Variants in PCDH7 observed in about 807,000 individuals in gnomAD.
PCDH7 encodes protocadherin-7.
PCDH7 carries 17 observed loss-of-function variants against 58.9 expected under a neutral mutation model. The ratio of observed to expected loss-of-function variants is 0.29; its 90% CI spans 0.20 to 0.43. The LOEUF (loss-of-function observed/expected upper bound fraction) is 0.43, where lower values mean the gene tolerates loss of function less well. Among genes scored for constraint, PCDH7 ranks in the 20% least tolerant of loss-of-function variants. The pLI is 1.00. For missense variants in PCDH7, 1,274 were observed against 1,441.0 expected, an observed-to-expected ratio of 0.88 and a Z score of 1.88; for synonymous variants, 664 against 616.4, an observed-to-expected ratio of 1.08 and a Z score of -1.14.
chr4:30,923,506 C>T (rs77283426), intron 2 of PCDH7, among the ~76,000 whole-genome samples: 5,512 of 152,086 alleles, frequency 0.036, 329 homozygotes, highest in African/African-American at 0.13. Context: ...AAACACATTA[C>T]CGCCAAATGT....
chr4:30,728,503 A>G (rs1176350854), intron 1 of PCDH7, among the ~76,000 whole-genome samples: 2 of 151,714 alleles, frequency 1.3e-5, no homozygotes, highest in Non-Finnish European at 3.0e-5. Context: ...GCCTGATACC[A>G]TAGGCAAAAC....
chr4:30,723,351 C>G lies in PCDH7; in HGVS notation c.1929C>G (p.Val643=). 6.2e-7 allele frequency: 1 copy of G among 1,614,242 alleles called. No homozygotes were observed. Among genetic ancestry groups the G allele is most frequent in the Non-Finnish European group, 8.5e-7 (1 of 1,180,046 alleles). The change falls in exon 1 of 2, where the codon GTC becomes GTG. Residue 643 remains valine, a synonymous_variant. Transcript: ENST00000361762. This position sits in a 1 kb window ranked among gnomAD's most constrained non-coding sequence, Gnocchi z 4.6. Reference sequence around the variant, plus strand: ...ATGACCCTAAGTTTATGCAGGACGTCTTCACCTTTTATGTGAAAGAAAACT... The same window carrying G: ...ATGACCCTAAGTTTATGCAGGACGTGTTCACCTTTTATGTGAAAGAAAACT...
At chr4:30,936,833 G>A (rs1422736802) in intron 2 of PCDH7, among the ~76,000 whole-genome samples, 1 of 152,018 alleles carries the variant, frequency 6.6e-6, no homozygotes, top group African/African-American at 2.4e-5. Context: ...TAATAACTCA[G>A]TATCATGAGC....
At position 30,721,655 on chromosome 4, in the gene PCDH7, A is replaced by G. The variant is rs1713572461; in HGVS notation, c.233A>G (p.Asp78Gly). The G allele has an allele frequency of 6.2e-7, 1 of 1,613,878 alleles. No individual in the cohort carries two copies. Among genetic ancestry groups the G allele is most frequent in the African/African-American group, 1.3e-5 (1 of 74,950 alleles). The change falls in exon 1 of 2, where the codon GAC becomes GGC. Residue 78 changes from aspartate to glycine, a missense_variant. Physicochemically the swap from Asp to Gly is moderately conservative, Grantham distance 94. This residue lies in a region of PCDH7 where 212 missense variants were observed against 255.8 expected (regional missense o/e 0.83). Transcript: ENST00000361762. This position sits in a 1 kb window ranked among gnomAD's most constrained non-coding sequence, Gnocchi z 6.7. ...TCCGGTTCCGAGTACCTGAAGATCGACAACCTCACTGGCGAGCTGAGCACG... is the reference window on the plus strand; with the variant it reads ...TCCGGTTCCGAGTACCTGAAGATCGGCAACCTCACTGGCGAGCTGAGCACG...
At chr4:30,931,503 A>G (rs776377265) in intron 2 of PCDH7, among the ~76,000 whole-genome samples, 9 of 151,996 alleles carry the variant, frequency 5.9e-5, no homozygotes, top group Non-Finnish European at 1.2e-4. Flanking sequence ...TGAACCCGGG[A>G]GGTGGAGGTT....
chr4:30,872,101 G>C (rs1355583369), intron 1 of PCDH7, among the ~76,000 whole-genome samples: 1 of 152,034 alleles, frequency 6.6e-6, no homozygotes, highest in Non-Finnish European at 1.5e-5. Flanking sequence ...TATCTTTTGG[G>C]AGAAGGAAAC....
chr4:30,961,973 A>G (rs1380688610), intron 3 of PCDH7, among the ~76,000 whole-genome samples: 3 of 152,174 alleles, frequency 2.0e-5, no homozygotes, highest in Non-Finnish European at 4.4e-5. Context: ...CTCATCTCTT[A>G]ATTACAAAGT....
chr4:31,009,025 G>T (rs34455147), intron 3 of PCDH7, among the ~76,000 whole-genome samples: 6,991 of 152,072 alleles, frequency 0.046, 410 homozygotes, highest in East Asian at 0.3. Flanking sequence ...AATTCAGGGT[G>T]CTTTCATAAT....
At chr4:30,943,959 T>C (rs148375089) in intron 2 of PCDH7, among the ~76,000 whole-genome samples, 423 of 152,242 alleles carry the variant, frequency 2.8e-3, no homozygotes, top group Non-Finnish European at 5.1e-3. Context: ...TAAAAATTTA[T>C]GTATCACTCT....
chr4:30,728,028 G>A (rs1037165330), intron 1 of PCDH7, among the ~76,000 whole-genome samples: 1 of 151,604 alleles, frequency 6.6e-6, no homozygotes, highest in African/African-American at 2.4e-5. Flanking sequence ...AAATCCACTT[G>A]CAGCTGATCC....
At chr4:31,062,836 A>C (rs1348263012) in intron 3 of PCDH7, among the ~76,000 whole-genome samples, 2 of 151,862 alleles carry the variant, frequency 1.3e-5, no homozygotes, top group African/African-American at 4.8e-5. Context: ...AAAATCAAAA[A>C]CTTCGTGTTT....
At chr4:30,964,842 G>GT (rs1408477577) in intron 3 of PCDH7, among the ~76,000 whole-genome samples, 4 of 152,072 alleles carry the variant, frequency 2.6e-5, no homozygotes, top group African/African-American at 7.2e-5. Flanking sequence ...TTGTTGGTTT[G>GT]TTTTTTGTAT....
At chr4:30,725,213 A>G (rs1577544091) in intron 1 of PCDH7, 2 of 995,262 alleles carry the variant, frequency 2.0e-6, no homozygotes, top group South Asian at 9.4e-5. Context: ...TCAATCTTTT[A>G]TATCTATAAT....
chr4:31,032,527 G>C (rs988180554), intron 3 of PCDH7, among the ~76,000 whole-genome samples: 2 of 150,556 alleles, frequency 1.3e-5, no homozygotes, highest in African/African-American at 4.9e-5. Context: ...AGAATCGTTT[G>C]AATCCAGGAG....
Position 30,774,372 on chromosome 4 carries a change from A to T in PCDH7, c.70+49776A>T, listed in dbSNP as rs547150694. On this transcript the variant is annotated intron_variant, in intron 1 of 3. Coordinates refer to the PCDH7 transcript ENST00000509759. ...GGCCTAGCTTTTTAAAGTATTACTAAATAATAAGTTTTTATGTTTATGTAT... is the reference window on the plus strand; with the variant it reads ...GGCCTAGCTTTTTAAAGTATTACTATATAATAAGTTTTTATGTTTATGTAT... 1.8e-4 allele frequency among the ~76,000 whole-genome samples: 27 copies of T among 152,310 alleles called. 1 individual carries two copies. The highest frequency in any genetic ancestry group is 6.3e-4 in the African/African-American group (26 of 41,576).
chr4:30,738,675 C>T (rs1053178780), intron 1 of PCDH7, among the ~76,000 whole-genome samples: 2 of 152,044 alleles, frequency 1.3e-5, no homozygotes, highest in South Asian at 4.1e-4. Context: ...AAAACTGTTT[C>T]ACAAATTTAA....
At chr4:30,968,359 C>CTA (rs530040471) in intron 3 of PCDH7, among the ~76,000 whole-genome samples, 28 of 82,228 alleles carry the variant, frequency 3.4e-4, no homozygotes, top group Non-Finnish European at 5.0e-4. Context: ...TATACACACA[C>CTA]TATATATATA....
At position 31,023,176 on chromosome 4, in the gene PCDH7, G is replaced by A. The variant is rs575285653; in HGVS notation, c.*7+72961G>A. Among the ~76,000 whole-genome samples, 5 of 152,288 alleles carry A rather than the reference G, an allele frequency of 3.3e-5. No individual in the cohort carries two copies. In the South Asian group the frequency reaches 1.0e-3, roughly 32 times the overall value. ...GGTTTAAAAGCAGAGCATTTAATTG[G>A]CAAAGCATATGTGGAATGAAAAAGT... On this transcript the variant is annotated intron_variant, in intron 3 of 3. Coordinates refer to the PCDH7 transcript ENST00000509759.
chr4:31,012,657 A>G (rs966896863), intron 3 of PCDH7, among the ~76,000 whole-genome samples: 1 of 150,760 alleles, frequency 6.6e-6, no homozygotes, highest in African/African-American at 2.4e-5. Context: ...CTACTAAAAT[A>G]GTAAAAATAA....
Sources: allele counts gnomAD v4.1 joint callset (sites outside exome capture counted in the v4.1 genomes callset), GRCh38; gene constraint gnomAD v4.1.1; regional missense constraint gnomAD v4.1.1; non-coding constraint Gnocchi (gnomAD v3.1); transcripts MANE v1.5; gene names NCBI Gene and HGNC (gene_info 2026-07-23, HGNC 2026-07-21).